The following RABGAP1L variants were observed in gnomAD, a reference collection of about 807,000 sequenced individuals.
RABGAP1L encodes the protein RAB GTPase activating protein 1 like.
RABGAP1L carries 63 observed loss-of-function variants against 137.7 expected under a neutral mutation model. The ratio of observed to expected loss-of-function variants is 0.46; its 90% CI spans 0.37 to 0.56. RABGAP1L has a LOEUF of 0.56. RABGAP1L is among the 20% of genes least tolerant of loss of function. The probability of loss-of-function intolerance (pLI) is 0.00; values close to 1 mark genes in which losing one functional copy is unlikely to be tolerated. For synonymous variants in RABGAP1L, 431 were observed against 433.7 expected, an observed-to-expected ratio of 0.99 and a Z score of 0.08; for missense variants, 1,095 against 1,244.0, an observed-to-expected ratio of 0.88 and a Z score of 1.80.
At chr1:174,953,035 CA>C (rs34788853) in intron 19 of RABGAP1L, among the ~76,000 whole-genome samples, 1,052 of 97,294 alleles carry the variant, frequency 0.011, 6 homozygotes, top group African/African-American at 0.029. Flanking sequence ...GGGTGGCATG[CA>C]AAAAAAAAAA....
intron 12 of RABGAP1L, among the ~76,000 whole-genome samples, chr1:174,377,153 TA>T (rs1685617116): frequency 6.6e-6 from 1 of 152,120 alleles, no homozygotes; most frequent in Admixed American, 6.6e-5. Context: ...AATTGTGAGC[TA>T]AATATATACT....
chr1:174,637,022 A>G (rs931870576), intron 13 of RABGAP1L, among the ~76,000 whole-genome samples: 2 of 152,190 alleles, frequency 1.3e-5, no homozygotes, highest in African/African-American at 2.4e-5. Flanking sequence ...AATAAACTAT[A>G]TGTACATGTC....
chr1:174,851,851 T>A (rs1573507947), intron 19 of RABGAP1L, among the ~76,000 whole-genome samples: 1 of 152,124 alleles, frequency 6.6e-6, no homozygotes, highest in Non-Finnish European at 1.5e-5. Context: ...AATTAACTCC[T>A]ACCTTTCTAA....
chr1:174,366,724 G>A (rs1402917658), intron 11 of RABGAP1L, among the ~76,000 whole-genome samples: 4 of 146,698 alleles, frequency 2.7e-5, no homozygotes, highest in African/African-American at 7.4e-5. Context: ...GCAGTGAGCC[G>A]AGATGGTGCC....
chr1:174,299,532 T>C (rs1677461294), intron 10 of RABGAP1L, among the ~76,000 whole-genome samples: 2 of 152,222 alleles, frequency 1.3e-5, no homozygotes, highest in Admixed American at 6.5e-5. Context: ...TATATTGCCA[T>C]AAGAAGGCTC....
At chr1:174,416,745 G>A (rs1360558962) in intron 13 of RABGAP1L, among the ~76,000 whole-genome samples, 1 of 151,970 alleles carries the variant, frequency 6.6e-6, no homozygotes, top group Non-Finnish European at 1.5e-5. Flanking sequence ...TAGTTTATTT[G>A]GCTTAACTAA....
At chr1:174,524,529 T>G (rs1427241475) in intron 13 of RABGAP1L, among the ~76,000 whole-genome samples, 1 of 152,102 alleles carries the variant, frequency 6.6e-6, no homozygotes, top group East Asian at 1.9e-4. Context: ...GTTCCTTGGA[T>G]ATTCTGAATA....
At chr1:174,485,925 C>G (rs1365280083) in intron 13 of RABGAP1L, among the ~76,000 whole-genome samples, 1 of 152,012 alleles carries the variant, frequency 6.6e-6, no homozygotes, top group African/African-American at 2.4e-5. Context: ...ATTATTTCTT[C>G]TTTAAATGTT....
chr1:174,887,559 A>T (rs1309951619), intron 19 of RABGAP1L, among the ~76,000 whole-genome samples: 1 of 151,990 alleles, frequency 6.6e-6, no homozygotes, highest in Non-Finnish European at 1.5e-5. Flanking sequence ...GGGTATGCCA[A>T]CATTGTTATC....
chr1:174,898,024 T>C (rs1216030669), intron 19 of RABGAP1L: 2 of 151,470 alleles, frequency 1.3e-5, no homozygotes, highest in Non-Finnish European at 2.9e-5. Context: ...ATTTCATTTC[T>C]TCATTCTCAC....
At chr1:174,176,678 C>T (rs933023524) in intron 1 of RABGAP1L, among the ~76,000 whole-genome samples, 5 of 122,016 alleles carry the variant, frequency 4.1e-5, no homozygotes, top group African/African-American at 1.6e-4. Context: ...CACCACTGTA[C>T]TCCAGCATGG....
At chr1:174,984,057 C>CAAA (rs1163719976) in intron 24 of RABGAP1L, among the ~76,000 whole-genome samples, 1 of 115,070 alleles carries the variant, frequency 8.7e-6, no homozygotes, top group African/African-American at 3.4e-5. Flanking sequence ...TTTCTTCTAA[C>CAAA]AAAAAAAAAA....
intron 13 of RABGAP1L, among the ~76,000 whole-genome samples, chr1:174,633,138 C>G (rs1346852491): frequency 6.6e-6 from 1 of 151,246 alleles, no homozygotes; most frequent in African/African-American, 2.4e-5. Context: ...AAAACCCCAT[C>G]GTCTCAGCCC....
intron 12 of RABGAP1L, among the ~76,000 whole-genome samples, chr1:174,373,690 T>C (rs950512432): frequency 2.0e-5 from 3 of 152,204 alleles, no homozygotes; most frequent in Admixed American, 6.5e-5. Context: ...TTAGTATTTT[T>C]CAGGAGTTAA....
At chr1:174,613,484 G>A (rs1394470306) in intron 13 of RABGAP1L, among the ~76,000 whole-genome samples, 1 of 152,084 alleles carries the variant, frequency 6.6e-6, no homozygotes, top group Non-Finnish European at 1.5e-5. Flanking sequence ...CAACTATGTG[G>A]TCAATTTTGG....
At chr1:174,952,382 GC>G (rs958731319) in intron 19 of RABGAP1L, among the ~76,000 whole-genome samples, 41 of 145,138 alleles carry the variant, frequency 2.8e-4, no homozygotes, top group Non-Finnish European at 6.0e-4. Context: ...ATGGTGGTGT[GC>G]CCCTATAGTC....
At chr1:174,626,228 G>T (rs1348529041) in intron 13 of RABGAP1L, among the ~76,000 whole-genome samples, 1 of 152,184 alleles carries the variant, frequency 6.6e-6, no homozygotes, top group Non-Finnish European at 1.5e-5. Context: ...CATGTTTGTG[G>T]TAGACAGTCA....
chr1:174,779,043 T>G (rs1686750462), intron 18 of RABGAP1L, among the ~76,000 whole-genome samples: 1 of 152,238 alleles, frequency 6.6e-6, no homozygotes, highest in African/African-American at 2.4e-5. Context: ...GCCAGGCAAC[T>G]TGTGTACAGC....
chr1:174,955,793 A>C (rs12061403), intron 19 of RABGAP1L, among the ~76,000 whole-genome samples: 20,749 of 152,144 alleles, frequency 0.14, 4,691 homozygotes, highest in African/African-American at 0.47. Context: ...TGTGTAAAGG[A>C]ATCATAGGCT....
Sources: gnomAD v4.1 joint callset for allele counts (sites outside exome capture counted in the v4.1 genomes callset) on GRCh38, gnomAD v4.1.1 for gene constraint, MANE v1.5 for transcripts, NCBI Gene and HGNC (gene_info 2026-07-23, HGNC 2026-07-21) for gene names.